The following AGMO variants were observed in gnomAD, a reference collection of about 807,000 sequenced individuals.
AGMO encodes the protein alkylglycerol monooxygenase.
A neutral mutation model predicts 60.2 loss-of-function variants in AGMO; 75 were observed. The observed-to-expected ratio is 1.25, with a 90% confidence interval of 1.03 to 1.51. The LOEUF is 1.51. AGMO is among the 40% of genes most tolerant of loss of function. AGMO has a pLI of 0.00. For synonymous variants in AGMO, 261 were observed against 177.1 expected, an observed-to-expected ratio of 1.47 and a Z score of -3.76; for missense variants, 763 against 525.5, an observed-to-expected ratio of 1.45 and a Z score of -4.42.
intron 12 of AGMO, among the ~76,000 whole-genome samples, chr7:15,243,001 G>C (rs1312384296): frequency 6.6e-6 from 1 of 152,040 alleles, no homozygotes; most frequent in African/African-American, 2.4e-5. Flanking sequence ...CAAGATGTCA[G>C]TGGGGGGAGG....
chr7:15,390,705 T>C lies in AGMO; in HGVS notation c.788A>G (p.His263Arg). Reference protein sequence around the residue: ...ENEKVVYGLTHPINTFEPIKV... With the variant: ...ENEKVVYGLTRPINTFEPIKV... Reference sequence around the variant, plus strand: ...GATTGGTTCAAATGTATTAATGGGATGTGTTAAGCCATATACAACTTTTTC... The same window carrying C: ...GATTGGTTCAAATGTATTAATGGGACGTGTTAAGCCATATACAACTTTTTC... Residue 263 changes from histidine to arginine, a missense_variant, in exon 8 of 13, where the codon CAT becomes CGT. Coordinates refer to ENST00000342526, the MANE Select transcript of AGMO (RefSeq NM_001004320.2). 6.2e-7 allele frequency: 1 copy of C among 1,610,378 alleles called. No homozygotes were observed. The highest frequency in any genetic ancestry group is 8.5e-7 in the Non-Finnish European group (1 of 1,177,732).
chr7:15,522,391 A>G (rs1784021080), intron 3 of AGMO, among the ~76,000 whole-genome samples: 1 of 152,194 alleles, frequency 6.6e-6, no homozygotes, highest in African/African-American at 2.4e-5. Context: ...CTGTATAGCC[A>G]AGACAATCTA....
At chr7:15,528,719 G>C (rs1784190137) in intron 3 of AGMO, among the ~76,000 whole-genome samples, 1 of 152,010 alleles carries the variant, frequency 6.6e-6, no homozygotes, top group Non-Finnish European at 1.5e-5. Flanking sequence ...CACGATCTCG[G>C]CTCACCGCAA....
At chr7:15,496,485 A>G (rs1478907717) in intron 3 of AGMO, among the ~76,000 whole-genome samples, 1 of 151,868 alleles carries the variant, frequency 6.6e-6, no homozygotes, top group African/African-American at 2.4e-5. Context: ...AATGTAACAT[A>G]TTGTGTGTCT....
At chr7:15,420,394 T>C (rs1436302442) in intron 4 of AGMO, among the ~76,000 whole-genome samples, 1 of 152,096 alleles carries the variant, frequency 6.6e-6, no homozygotes, top group East Asian at 1.9e-4. Context: ...AAATCTTATA[T>C]ATCAGTAATA....
At chr7:15,359,005 A>T (rs1404024929) in intron 12 of AGMO, among the ~76,000 whole-genome samples, 1 of 152,136 alleles carries the variant, frequency 6.6e-6, no homozygotes, top group Non-Finnish European at 1.5e-5. Context: ...TTATTTTCAG[A>T]TATGGAGTTT....
At chr7:15,248,212 A>ATATATATATC (rs1563053845) in intron 12 of AGMO, among the ~76,000 whole-genome samples, 6 of 97,918 alleles carry the variant, frequency 6.1e-5, no homozygotes, top group African/African-American at 2.2e-4. Flanking sequence ...ATATATATAT[A>ATATATATATC]TATATATATA....
intron 10 of AGMO, among the ~76,000 whole-genome samples, chr7:15,377,987 C>T (rs1303527107): frequency 1.3e-5 from 2 of 151,992 alleles, no homozygotes; most frequent in African/African-American, 2.4e-5. Flanking sequence ...GCCAAATAAA[C>T]CTGGTACACT....
intron 12 of AGMO, among the ~76,000 whole-genome samples, chr7:15,252,551 C>T (rs150697819): frequency 6.6e-6 from 1 of 152,310 alleles, no homozygotes; most frequent in East Asian, 1.9e-4. Flanking sequence ...GAGGCTCTCA[C>T]TCTAATCCTA....
chr7:15,469,923 A>G (rs919607123), intron 3 of AGMO, among the ~76,000 whole-genome samples: 1 of 152,060 alleles, frequency 6.6e-6, no homozygotes, highest in African/African-American at 2.4e-5. Flanking sequence ...GTAGGCATAG[A>G]ATATGAGGAA....
chr7:15,388,653 C>T (rs1050284328), intron 8 of AGMO, among the ~76,000 whole-genome samples: 3 of 152,060 alleles, frequency 2.0e-5, no homozygotes, highest in South Asian at 2.1e-4. Context: ...CAATGATTTA[C>T]GCCTAATAAT....
At chr7:15,291,229 T>A (rs1428863051) in intron 12 of AGMO, among the ~76,000 whole-genome samples, 1 of 152,190 alleles carries the variant, frequency 6.6e-6, no homozygotes, top group African/African-American at 2.4e-5. Context: ...AAGGTAGGTG[T>A]ATATACCTAC....
chr7:15,369,932 C>T (rs1314389151), intron 10 of AGMO, among the ~76,000 whole-genome samples: 1 of 152,006 alleles, frequency 6.6e-6, no homozygotes, highest in African/African-American at 2.4e-5. Context: ...ATTTTAGGTT[C>T]AGGAGATATA....
intron 3 of AGMO, among the ~76,000 whole-genome samples, chr7:15,488,562 A>G (rs1321050117): frequency 6.6e-6 from 1 of 152,178 alleles, no homozygotes; most frequent in Non-Finnish European, 1.5e-5. Flanking sequence ...CTGTTTGGCA[A>G]AATATAGGGA....
chr7:15,186,279 T>G, the AGMO span, among the ~76,000 whole-genome samples: 1 of 152,246 alleles, frequency 6.6e-6, no homozygotes. Context: ...TTTGATTGAA[T>G]GCAGATTGCA....
intron 3 of AGMO, among the ~76,000 whole-genome samples, chr7:15,436,885 C>A (rs62439308): frequency 1.1e-4 from 16 of 151,848 alleles, no homozygotes; most frequent in Middle Eastern, 3.4e-3. Flanking sequence ...AATGATAGTG[C>A]GAAATTTCTT....
chr7:15,537,043 G>A (rs1297773339), intron 3 of AGMO, among the ~76,000 whole-genome samples: 1 of 151,960 alleles, frequency 6.6e-6, no homozygotes, highest in African/African-American at 2.4e-5. Flanking sequence ...GTTTTTTCCA[G>A]ATCATATTTA....
At chr7:15,351,731 T>C (rs1242466290) in intron 12 of AGMO, among the ~76,000 whole-genome samples, 1 of 152,136 alleles carries the variant, frequency 6.6e-6, no homozygotes, top group African/African-American at 2.4e-5. Context: ...AAAAATAAAT[T>C]TATAGCAGCT....
intron 3 of AGMO, among the ~76,000 whole-genome samples, chr7:15,538,928 T>A (rs1784546754): frequency 6.6e-6 from 1 of 152,128 alleles, no homozygotes; most frequent in Non-Finnish European, 1.5e-5. Context: ...AATTTTAAAA[T>A]GAATTAAGCA....
Sources: gnomAD v4.1 joint callset for allele counts (sites outside exome capture counted in the v4.1 genomes callset) on GRCh38, gnomAD v4.1.1 for gene constraint, MANE v1.5 for transcripts, NCBI Gene and HGNC (gene_info 2026-07-23, HGNC 2026-07-21) for gene names.